The following RIC3 variants were observed in gnomAD, a reference collection of about 807,000 sequenced individuals.
The protein encoded by RIC3 is protein RIC-3.
A neutral mutation model predicts 27.3 loss-of-function variants in RIC3; 28 were observed. The ratio of observed to expected loss-of-function variants is 1.02; its 90% CI spans 0.76 to 1.41. The LOEUF (loss-of-function observed/expected upper bound fraction) is 1.41, where lower values mean the gene tolerates loss of function less well. RIC3 is among the 40% of genes most tolerant of loss of function. The pLI is 0.00. For synonymous variants in RIC3, 184 were observed against 160.4 expected (o/e 1.15, Z -1.11); for missense variants, 501 against 444.7 (o/e 1.13, Z -1.14).
Position 8,108,798 on chromosome 11 carries a change from A to C in RIC3, c.*1900T>G, listed in dbSNP as rs572512923. 1 of 152,338 alleles carries C rather than the reference A, an allele frequency of 6.6e-6. No homozygotes were observed. Among genetic ancestry groups the C allele is most frequent in the South Asian group, 2.1e-4 (1 of 4,828 alleles). The allele number at this position is 152,338 out of a possible 1,614,324, so 9.4% of individuals were successfully genotyped here. A position where few individuals can be genotyped will look rare whatever the true frequency, so the allele number is the denominator to read the frequency against. ...TGAGCAATTGACTGCTAAATGAATG[A>C]ATGAGCTAGAAGAGAACAGCAGTAT... is the stretch of plus-strand genomic sequence containing the variant. On this transcript the variant is annotated 3_prime_UTR_variant, in exon 6 of 6. Coordinates refer to ENST00000309737, the MANE Select transcript of RIC3 (RefSeq NM_001206671.4).
Position 8,169,015 on chromosome 11 carries a change from A to G in RIC3, c.-26T>C. 4 of 1,543,630 alleles carry G rather than the reference A, an allele frequency of 2.6e-6. No homozygotes were observed. Among genetic ancestry groups the G allele is most frequent in the Non-Finnish European group, 3.5e-6 (4 of 1,151,394 alleles). ...GACTGCTCACGGTGGTCGCAGGTGC[A>G]GACGCCAGCCGGAACCGGAACCGGA... On this transcript the variant is annotated 5_prime_UTR_variant, in exon 1 of 6. Transcript: ENST00000309737.
rs116380225 is a variant in RIC3 at position 8,159,511 on chromosome 11, G to A, written c.124+9355C>T. Among the ~76,000 whole-genome samples, 387 of 152,266 alleles carry A rather than the reference G, an allele frequency of 2.5e-3. 1 individual carries two copies. The highest frequency in any genetic ancestry group is 8.7e-3 in the African/African-American group (362 of 41,544). On this transcript the variant is annotated intron_variant, in intron 1 of 5. Coordinates refer to ENST00000309737, the MANE Select transcript of RIC3 (RefSeq NM_001206671.4). ...TAATACTATCTGGCAGCTATATTGAGAATAGACTGAAGTGGGGAAGGAGGA... is the reference window on the plus strand; with the variant it reads ...TAATACTATCTGGCAGCTATATTGAAAATAGACTGAAGTGGGGAAGGAGGA...
chr11:8,115,529 T>A (rs2133388126), intron 5 of RIC3, among the ~76,000 whole-genome samples: 1 of 152,176 alleles, frequency 6.6e-6, no homozygotes, highest in Non-Finnish European at 1.5e-5. Flanking sequence ...AAGTATAGGC[T>A]AGGTGCGGTG....
chr11:8,096,713 G>A, the RIC3 span: 1 of 1,612,986 alleles, frequency 6.2e-7, no homozygotes, highest in Non-Finnish European at 8.5e-7. Context: ...GCTTTGACGA[G>A]GATGAGGAGG....
intron 4 of RIC3, among the ~76,000 whole-genome samples, chr11:8,127,265 G>C (rs1301310053): frequency 6.6e-6 from 1 of 152,182 alleles, no homozygotes; most frequent in African/African-American, 2.4e-5. Flanking sequence ...TATGCTACTA[G>C]AATCACCAGG....
chr11:8,155,451 C>T (rs994378919), intron 1 of RIC3, among the ~76,000 whole-genome samples: 3 of 151,974 alleles, frequency 2.0e-5, no homozygotes, highest in African/African-American at 7.3e-5. Context: ...TGGCACATGC[C>T]TATAATCCCA....
At chr11:8,164,227 A>G (rs1411106956) in intron 1 of RIC3, among the ~76,000 whole-genome samples, 1 of 152,156 alleles carries the variant, frequency 6.6e-6, no homozygotes, top group East Asian at 1.9e-4. Context: ...AAACTATAAA[A>G]CTTGAAAACA....
chr11:8,117,632 A>G lies in RIC3; in HGVS notation c.671-6495T>C, dbSNP rs1404251675. On this transcript the variant is annotated intron_variant, in intron 5 of 5. Transcript: ENST00000309737. Reference sequence around the variant, plus strand: ...GTTCAAGAGATCTATTATACATTATACAGACTATAGTTAATAACAGTATGT... The same window carrying G: ...GTTCAAGAGATCTATTATACATTATGCAGACTATAGTTAATAACAGTATGT... Among the ~76,000 whole-genome samples the G allele has an allele frequency of 3.9e-5, 6 of 152,294 alleles. 1 individual carries two copies. The South Asian group carries it at 6.2e-4, about 16-fold the overall frequency.
At chr11:8,095,411 T>A in the RIC3 span, 1 of 1,414,204 alleles carries the variant, frequency 7.1e-7, no homozygotes, top group East Asian at 2.3e-5. Context: ...TTCCCCACTC[T>A]TCCCTCATCC....
chr11:8,141,812 G>C (rs539253442), intron 1 of RIC3, among the ~76,000 whole-genome samples: 3 of 151,818 alleles, frequency 2.0e-5, no homozygotes, highest in Non-Finnish European at 4.4e-5. Context: ...AAAGAACAGA[G>C]ATTATAACAA....
intron 4 of RIC3, among the ~76,000 whole-genome samples, chr11:8,132,205 A>AT (rs1947823506): frequency 6.6e-6 from 1 of 152,022 alleles, no homozygotes. Flanking sequence ...ACAGCCTGTG[A>AT]TTTTTTTCTT....
chr11:8,099,865 C>A, the RIC3 span, among the ~76,000 whole-genome samples: 1 of 152,118 alleles, frequency 6.6e-6, no homozygotes, highest in Non-Finnish European at 1.5e-5. Flanking sequence ...GAATGCCTGG[C>A]ATGAAGAAGG....
At chr11:8,145,505 T>C (rs1309197565) in intron 1 of RIC3, among the ~76,000 whole-genome samples, 1 of 152,176 alleles carries the variant, frequency 6.6e-6, no homozygotes, top group Non-Finnish European at 1.5e-5. Flanking sequence ...AGGAGGACTT[T>C]AAGTACTCAG....
intron 4 of RIC3, among the ~76,000 whole-genome samples, chr11:8,132,838 G>T (rs1034360489): frequency 1.3e-5 from 2 of 152,124 alleles, no homozygotes; most frequent in Admixed American, 6.5e-5. Context: ...ACAAATACTG[G>T]AATATTTTGG....
intron 4 of RIC3, among the ~76,000 whole-genome samples, chr11:8,136,863 C>T (rs1040769739): frequency 2.0e-5 from 3 of 152,098 alleles, no homozygotes; most frequent in Admixed American, 2.0e-4. Context: ...ATAATTTGCA[C>T]ATTAAACTTT....
intron 1 of RIC3, among the ~76,000 whole-genome samples, chr11:8,164,781 C>CAAAAAAAAAAA (rs199958835): frequency 1.2e-5 from 1 of 84,232 alleles, no homozygotes. Context: ...CTGTCTCTCT[C>CAAAAAAAAAAA]AAAAAAAAAA....
intron 1 of RIC3, among the ~76,000 whole-genome samples, chr11:8,144,205 T>C (rs954230083): frequency 6.6e-6 from 1 of 150,748 alleles, no homozygotes; most frequent in African/African-American, 2.5e-5. Context: ...AAAGAGCTTC[T>C]GCACAGCAAA....
At chr11:8,112,028 G>A (rs559901881) in intron 5 of RIC3, among the ~76,000 whole-genome samples, 9 of 152,254 alleles carry the variant, frequency 5.9e-5, no homozygotes, top group South Asian at 2.1e-4. Context: ...CAACCCTAAC[G>A]TAAACCATTT....
intron 1 of RIC3, among the ~76,000 whole-genome samples, chr11:8,151,431 C>G (rs1039824624): frequency 6.7e-6 from 1 of 149,246 alleles, no homozygotes; most frequent in African/African-American, 2.5e-5. Flanking sequence ...ACTAAAAATA[C>G]AAAAATTAGC....
Sources: allele counts gnomAD v4.1 joint callset (sites outside exome capture counted in the v4.1 genomes callset), GRCh38; gene constraint gnomAD v4.1.1; transcripts MANE v1.5; gene names NCBI Gene and HGNC (gene_info 2026-07-23, HGNC 2026-07-21).